The following ZNG1E variants were observed in gnomAD, a reference collection of about 807,000 sequenced individuals.
The protein encoded by ZNG1E is zinc-regulated GTPase metalloprotein activator 1E.
the ZNG1E span, among the ~76,000 whole-genome samples, chr9:65,699,113 G>A: frequency 6.6e-6 from 1 of 150,576 alleles, no homozygotes; most frequent in African/African-American, 2.5e-5. Flanking sequence ...AGTAGAGATG[G>A]GGTTTCACCA....
At chr9:65,731,079 A>G in the ZNG1E span, among the ~76,000 whole-genome samples, 1 of 152,296 alleles carries the variant, frequency 6.6e-6, no homozygotes, top group African/African-American at 2.4e-5. Flanking sequence ...AGATAAGCCA[A>G]GCCTTTCTTT....
chr9:65,713,241 A>ATG, the ZNG1E span, among the ~76,000 whole-genome samples: 1 of 136,248 alleles, frequency 7.3e-6, no homozygotes, highest in Non-Finnish European at 1.6e-5. Context: ...TTTTGAGCCT[A>ATG]TGTGTGTCTC....
chr9:65,660,989 A>G, the ZNG1E span, among the ~76,000 whole-genome samples: 1 of 146,782 alleles, frequency 6.8e-6, no homozygotes, highest in Non-Finnish European at 1.5e-5. Context: ...CAAACCAAAA[A>G]ACATATTCTA....
the ZNG1E span, among the ~76,000 whole-genome samples, chr9:65,687,237 T>C: frequency 1.4e-3 from 190 of 140,348 alleles, no homozygotes; most frequent in African/African-American, 4.8e-3. Flanking sequence ...ATATTCTTTA[T>C]GTTGTCATGG....
the ZNG1E span, among the ~76,000 whole-genome samples, chr9:65,693,163 C>T: frequency 1.3e-5 from 2 of 152,058 alleles, no homozygotes; most frequent in Admixed American, 6.5e-5. Context: ...AGGATATACA[C>T]ATAGGATTAG....
At chr9:65,684,234 CTA>C in the ZNG1E span, among the ~76,000 whole-genome samples, 1 of 152,070 alleles carries the variant, frequency 6.6e-6, no homozygotes, top group East Asian at 1.9e-4. Flanking sequence ...AATCATCTCA[CTA>C]TTGTGATATA....
chr9:65,710,653 T>G, the ZNG1E span, among the ~76,000 whole-genome samples: 1 of 151,874 alleles, frequency 6.6e-6, no homozygotes, highest in African/African-American at 2.4e-5. Flanking sequence ...TTGTCAAAGA[T>G]CAGATAGTTG....
the ZNG1E span, among the ~76,000 whole-genome samples, chr9:65,663,321 A>G: frequency 1.3e-5 from 2 of 151,828 alleles, no homozygotes; most frequent in African/African-American, 4.8e-5. Context: ...TTAATCTATC[A>G]GATATGAATG....
chr9:65,715,169 C>A, the ZNG1E span, among the ~76,000 whole-genome samples: 9 of 148,366 alleles, frequency 6.1e-5, no homozygotes, highest in Admixed American at 2.7e-4. Context: ...TTCCAGGTGC[C>A]GTCTGTCACC....
chr9:65,658,099 CA>C, the ZNG1E span, among the ~76,000 whole-genome samples: 457 of 47,386 alleles, frequency 9.6e-3, no homozygotes, highest in South Asian at 0.018. Context: ...AACTCCGTCT[CA>C]AAAAAAAAAA....
At chr9:65,660,630 A>G in the ZNG1E span, among the ~76,000 whole-genome samples, 1 of 151,876 alleles carries the variant, frequency 6.6e-6, no homozygotes, top group African/African-American at 2.4e-5. Flanking sequence ...AGTGTCCAGA[A>G]AGGCTAGAGA....
At chr9:65,664,019 C>A in the ZNG1E span, among the ~76,000 whole-genome samples, 1 of 152,218 alleles carries the variant, frequency 6.6e-6, no homozygotes, top group East Asian at 1.9e-4. Flanking sequence ...TATGCCCATG[C>A]ACATACAAGC....
At chr9:65,677,460 A>G in the ZNG1E span, among the ~76,000 whole-genome samples, 2 of 152,216 alleles carry the variant, frequency 1.3e-5, no homozygotes, top group African/African-American at 4.8e-5. Context: ...TTAGCTACAC[A>G]CCTGTGTAAT....
the ZNG1E span, among the ~76,000 whole-genome samples, chr9:65,714,165 G>T: frequency 3.4e-5 from 5 of 147,882 alleles, no homozygotes; most frequent in Non-Finnish European, 7.4e-5. Flanking sequence ...TGAGGCTTCT[G>T]CATTCTTCAC....
chr9:65,657,725 T>G, the ZNG1E span, among the ~76,000 whole-genome samples: 4 of 152,282 alleles, frequency 2.6e-5, no homozygotes, highest in Non-Finnish European at 5.9e-5. Context: ...AATTGGCATG[T>G]TAGTTACACA....
chr9:65,710,670 T>C, the ZNG1E span, among the ~76,000 whole-genome samples: 5 of 151,550 alleles, frequency 3.3e-5, no homozygotes, highest in South Asian at 2.1e-4. Flanking sequence ...GTTGTAGATA[T>C]GCGGCGTTAT....
the ZNG1E span, among the ~76,000 whole-genome samples, chr9:65,676,346 G>GGAATGGAAA: frequency 4.6e-5 from 6 of 131,042 alleles, no homozygotes; most frequent in African/African-American, 1.8e-4. Flanking sequence ...CATTTCTCAA[G>GGAATGGAAA]TGAGATGGAA....
chr9:65,693,427 C>G, the ZNG1E span: 1 of 1,284,704 alleles, frequency 7.8e-7, no homozygotes, highest in Non-Finnish European at 1.0e-6. Context: ...AATCATCCCA[C>G]CCACTGACCC....
At chr9:65,673,590 A>G in the ZNG1E span, among the ~76,000 whole-genome samples, 3 of 152,208 alleles carry the variant, frequency 2.0e-5, no homozygotes, top group African/African-American at 4.8e-5. Flanking sequence ...ATTGTTAGAG[A>G]TGAGACTTTA....
Sources: allele counts gnomAD v4.1 joint callset (sites outside exome capture counted in the v4.1 genomes callset), GRCh38; gene constraint gnomAD v4.1.1; transcripts MANE v1.5; gene names NCBI Gene and HGNC (gene_info 2026-07-23, HGNC 2026-07-21).